The following CEP83 variants were observed in gnomAD, a reference collection of about 807,000 sequenced individuals.
CEP83 encodes the protein centrosomal protein 83.
A neutral mutation model predicts 101.9 loss-of-function variants in CEP83; 70 were observed. That is an observed-to-expected ratio of 0.69 (90% CI 0.57 to 0.84). The LOEUF is 0.84. Ranked by LOEUF, CEP83 falls within the 40% of genes least tolerant of loss-of-function variation. The probability of loss-of-function intolerance (pLI) is 0.00; values close to 1 mark genes in which losing one functional copy is unlikely to be tolerated. For synonymous variants in CEP83, 264 were observed against 267.9 expected, an observed-to-expected ratio of 0.99 and a Z score of 0.14; for missense variants, 715 against 787.2, an observed-to-expected ratio of 0.91 and a Z score of 1.10.
At chr12:94,268,038 A>G in the CEP83 span, among the ~76,000 whole-genome samples, 3 of 152,188 alleles carry the variant, frequency 2.0e-5, no homozygotes, top group East Asian at 3.9e-4. Flanking sequence ...AGGAAAGGAA[A>G]GTCGGAAATC....
chr12:94,270,678 T>G, the CEP83 span, among the ~76,000 whole-genome samples: 1 of 152,098 alleles, frequency 6.6e-6, no homozygotes, highest in African/African-American at 2.4e-5. Flanking sequence ...TACTTGATTC[T>G]AGGATGGACA....
intron 4 of CEP83, among the ~76,000 whole-genome samples, chr12:94,406,558 G>T (rs547485433): frequency 1.0e-3 from 153 of 152,146 alleles, no homozygotes; most frequent in African/African-American, 3.6e-3. Context: ...AAACTTTATT[G>T]TACAGTTATT....
At chr12:94,442,783 T>G (rs780742796) in intron 1 of CEP83, among the ~76,000 whole-genome samples, 2 of 152,180 alleles carry the variant, frequency 1.3e-5, no homozygotes, top group Admixed American at 6.5e-5. Context: ...AAAAAGTCAG[T>G]TACCACTATC....
At chr12:94,396,315 G>C (rs1009510142) in intron 6 of CEP83, among the ~76,000 whole-genome samples, 5 of 120,834 alleles carry the variant, frequency 4.1e-5, no homozygotes, top group African/African-American at 1.3e-4. Flanking sequence ...TTGAGACAGA[G>C]CCTCATTCTG....
At chr12:94,343,651 G>A (rs1480812881) in intron 11 of CEP83, among the ~76,000 whole-genome samples, 11 of 149,406 alleles carry the variant, frequency 7.4e-5, no homozygotes, top group African/African-American at 2.5e-4. Context: ...CACCGCGCCC[G>A]GCTAATTTTT....
At chr12:94,457,254 T>C (rs2067752434) in intron 1 of CEP83, among the ~76,000 whole-genome samples, 1 of 152,148 alleles carries the variant, frequency 6.6e-6, no homozygotes, top group Non-Finnish European at 1.5e-5. Flanking sequence ...TCAAGAAACA[T>C]GAACTTGGGT....
At chr12:94,387,494 A>T (rs1424156122) in intron 6 of CEP83, among the ~76,000 whole-genome samples, 2 of 152,166 alleles carry the variant, frequency 1.3e-5, no homozygotes, top group Non-Finnish European at 2.9e-5. Flanking sequence ...ATTGTCTTCC[A>T]CGAAACCAGT....
At chr12:94,267,366 TCA>T in the CEP83 span, among the ~76,000 whole-genome samples, 1 of 152,234 alleles carries the variant, frequency 6.6e-6, no homozygotes, top group African/African-American at 2.4e-5. Context: ...ATTATTTATT[TCA>T]CAGTCAATTA....
At chr12:94,444,888 G>T (rs1449159680) in intron 1 of CEP83, among the ~76,000 whole-genome samples, 1 of 151,996 alleles carries the variant, frequency 6.6e-6, no homozygotes, top group Non-Finnish European at 1.5e-5. Flanking sequence ...CCATATTTGT[G>T]GATCAGAAAA....
At chr12:94,283,737 C>T in the CEP83 span, among the ~76,000 whole-genome samples, 1 of 152,062 alleles carries the variant, frequency 6.6e-6, no homozygotes, top group African/African-American at 2.4e-5. Flanking sequence ...GTGGGGGCCA[C>T]AAGATCAGAT....
intron 11 of CEP83, among the ~76,000 whole-genome samples, chr12:94,357,120 T>C (rs980206007): frequency 6.6e-6 from 1 of 152,128 alleles, no homozygotes; most frequent in African/African-American, 2.4e-5. Context: ...GCTCAGGATA[T>C]AGTGTTGCAG....
chr12:94,418,108 T>A (rs890256442), intron 2 of CEP83, among the ~76,000 whole-genome samples: 1 of 152,138 alleles, frequency 6.6e-6, no homozygotes, highest in Admixed American at 6.5e-5. Context: ...ATGCCTGTAA[T>A]CCTAGCACTT....
chr12:94,282,271 A>T, the CEP83 span: 1 of 1,531,866 alleles, frequency 6.5e-7, no homozygotes, highest in Non-Finnish European at 9.0e-7. Context: ...AAAACTCTCT[A>T]AAAAGGAACA....
rs372907098 is a variant in CEP83, at chr12:94,318,615, A to C, written c.1708-5598T>G. Among the ~76,000 whole-genome samples, 5 of 152,180 alleles carry C rather than the reference A, an allele frequency of 3.3e-5. No individual in the cohort carries two copies. The East Asian group carries it at 5.8e-4, about 18-fold the overall frequency. ...CAATACTTAGTTTATTGAGTTTTTA[A>C]TAGAAAGGGATGGTGAATTTTATCA... On this transcript the variant is annotated intron_variant, in intron 14 of 16. Transcript: ENST00000397809.
the CEP83 span, among the ~76,000 whole-genome samples, chr12:94,284,372 A>C: frequency 6.6e-6 from 1 of 152,144 alleles, no homozygotes; most frequent in Admixed American, 6.5e-5. Context: ...ACATCCAGAA[A>C]TGAGCAAGAG....
chr12:94,335,959 T>A (rs1475343473), intron 11 of CEP83: 1 of 265,234 alleles, frequency 3.8e-6, no homozygotes, highest in South Asian at 7.6e-5. Context: ...AGGATTTTGA[T>A]ATACATAAAC....
chr12:94,427,753 A>G (rs2065314123), intron 2 of CEP83, among the ~76,000 whole-genome samples: 1 of 152,174 alleles, frequency 6.6e-6, no homozygotes, highest in South Asian at 2.1e-4. Flanking sequence ...AACAACATTA[A>G]AAGTCTAGGG....
At chr12:94,351,668 G>C (rs1373657319) in intron 11 of CEP83, among the ~76,000 whole-genome samples, 1 of 152,082 alleles carries the variant, frequency 6.6e-6, no homozygotes, top group Non-Finnish European at 1.5e-5. Context: ...AGAACTAGCT[G>C]CCAGCCACTG....
At chr12:94,424,144 A>C (rs968474192) in intron 2 of CEP83, 3 of 1,603,420 alleles carry the variant, frequency 1.9e-6, no homozygotes, top group African/African-American at 2.7e-5. Flanking sequence ...GTGCAGACCG[A>C]GCAAGCATCC....
Sources: gnomAD v4.1 joint callset for allele counts (sites outside exome capture counted in the v4.1 genomes callset) on GRCh38, gnomAD v4.1.1 for gene constraint, MANE v1.5 for transcripts, NCBI Gene and HGNC (gene_info 2026-07-23, HGNC 2026-07-21) for gene names.